The following NBEA variants were observed in gnomAD, a reference collection of about 807,000 sequenced individuals.
The protein encoded by NBEA is lysosomal-trafficking regulator 2.
NBEA carries 44 observed loss-of-function variants against 343.4 expected under a neutral mutation model. The ratio of observed to expected loss-of-function variants is 0.13; its 90% CI spans 0.10 to 0.16. NBEA has a LOEUF of 0.16. NBEA is among the 10% of genes least tolerant of loss of function. The pLI is 1.00. For synonymous variants in NBEA, 1,175 were observed against 1,238.7 expected, an observed-to-expected ratio of 0.95 and a Z score of 1.08; for missense variants, 2,555 against 3,631.3, an observed-to-expected ratio of 0.70 and a Z score of 7.62.
chr13:34,962,145 T>A (rs1041748703), intron 1 of NBEA, among the ~76,000 whole-genome samples: 15 of 152,036 alleles, frequency 9.9e-5, no homozygotes, highest in African/African-American at 3.1e-4. Flanking sequence ...GCGCTGTATT[T>A]TTATTGGCTA....
intron 16 of NBEA, among the ~76,000 whole-genome samples, chr13:35,123,218 C>T (rs564463599): frequency 4.5e-4 from 69 of 152,194 alleles, no homozygotes; most frequent in African/African-American, 1.5e-3. Context: ...GACATGTGGC[C>T]TAACTAAGCA....
intron 34 of NBEA, among the ~76,000 whole-genome samples, chr13:35,253,220 G>A (rs1166379303): frequency 1.3e-5 from 2 of 152,110 alleles, no homozygotes; most frequent in African/African-American, 4.8e-5. Flanking sequence ...TCTTTTTATT[G>A]TGCTTCACTT....
chr13:35,155,095 A>T (rs1243003809), intron 18 of NBEA, among the ~76,000 whole-genome samples: 1 of 142,904 alleles, frequency 7.0e-6, no homozygotes, highest in Non-Finnish European at 1.5e-5. Context: ...GTGCCGCTGC[A>T]GTCCAGCCTG....
Position 35,106,770 on chromosome 13 carries a change from T to C in NBEA, c.1681-2520T>C, listed in dbSNP as rs1305720877. 1.1e-4 allele frequency among the ~76,000 whole-genome samples: 16 copies of C among 147,012 alleles called. No homozygotes were observed. In the Admixed American group the frequency reaches 1.1e-3, roughly 10 times the overall value. On this transcript the variant is annotated intron_variant, in intron 11 of 58. Transcript: ENST00000379939. ...TGCGAAAACAATGGCCCCCTCCGCC[T>C]TTTTTTTTTAAAGTAATGTAGAAGG...
At position 35,040,987 on chromosome 13, in the gene NBEA, A is replaced by G; in HGVS notation, c.349A>G (p.Ser117Gly). 1 of 1,613,248 alleles carries G rather than the reference A, an allele frequency of 6.2e-7. No individual in the cohort carries two copies. The highest frequency in any genetic ancestry group is 8.5e-7 in the Non-Finnish European group (1 of 1,179,418). Residue 117 changes from serine (S) to glycine (G), a missense_variant, in exon 2 of 59, where the codon AGT (serine) becomes GGT (glycine). Physicochemically the swap from Ser to Gly is moderately conservative, Grantham distance 56. Coordinates refer to ENST00000379939, the MANE Select transcript of NBEA (RefSeq NM_001385012.1). Reference protein sequence around the residue: ...EMNFIIQDAESITCMTELLEH... With the variant: ...EMNFIIQDAEGITCMTELLEH... ...GAACTTTATTATCCAGGATGCTGAG[A>G]GTATAACATGTATGACAGAGCTTTT...
chr13:35,312,939 A>G (rs542667649), intron 36 of NBEA, among the ~76,000 whole-genome samples: 9 of 152,200 alleles, frequency 5.9e-5, no homozygotes, highest in Non-Finnish European at 1.2e-4. Context: ...TTCAATAGGC[A>G]TGGGCATTTG....
chr13:35,099,880 G>A (rs1432284185), intron 11 of NBEA, among the ~76,000 whole-genome samples: 1 of 151,918 alleles, frequency 6.6e-6, no homozygotes, highest in Non-Finnish European at 1.5e-5. Context: ...AATTAAAGTG[G>A]GATTTCATGA....
Position 35,094,850 on chromosome 13 carries a change from C to T in NBEA, c.1572-3447C>T, listed in dbSNP as rs112483366. Among the ~76,000 whole-genome samples, 196 of 151,876 alleles carry T rather than the reference C, an allele frequency of 1.3e-3. 1 individual carries two copies. Among genetic ancestry groups the T allele is most frequent in the African/African-American group, 4.3e-3 (180 of 41,452 alleles). On this transcript the variant is annotated intron_variant, in intron 10 of 58. Transcript: ENST00000379939. ...AAAGATTTTTCCCCCTTACTGATACCGTAAATCTGATTTGGAACTTAATCT... is the reference window on the plus strand; with the variant it reads ...AAAGATTTTTCCCCCTTACTGATACTGTAAATCTGATTTGGAACTTAATCT...
chr13:35,371,537 T>G (rs1262774063), intron 38 of NBEA, among the ~76,000 whole-genome samples: 2 of 152,148 alleles, frequency 1.3e-5, no homozygotes, highest in African/African-American at 2.4e-5. Context: ...ATTTGTATTA[T>G]CTGAATTCTC....
intron 10 of NBEA, among the ~76,000 whole-genome samples, chr13:35,085,693 C>T (rs2064716439): frequency 6.6e-6 from 1 of 152,150 alleles, no homozygotes; most frequent in Non-Finnish European, 1.5e-5. Context: ...TACCCTCTCT[C>T]ACCACTCCTG....
intron 34 of NBEA, among the ~76,000 whole-genome samples, chr13:35,252,547 C>T (rs1465153005): frequency 6.6e-6 from 1 of 152,148 alleles, no homozygotes; most frequent in Non-Finnish European, 1.5e-5. Flanking sequence ...GTGTGATCGA[C>T]TGGGGAGCAC....
intron 41 of NBEA, among the ~76,000 whole-genome samples, chr13:35,479,615 A>T (rs1293118676): frequency 2.0e-5 from 3 of 152,174 alleles, no homozygotes; most frequent in African/African-American, 7.2e-5. Context: ...TTTTTCAGTG[A>T]ATTTTAAAAA....
intron 34 of NBEA, chr13:35,251,497 G>T: frequency 1.8e-6 from 2 of 1,097,950 alleles, no homozygotes; most frequent in East Asian, 8.4e-5. Flanking sequence ...TGATGACCTT[G>T]TGGAGTGAGC....
intron 41 of NBEA, among the ~76,000 whole-genome samples, chr13:35,527,545 C>T (rs1055872170): frequency 2.0e-5 from 3 of 152,220 alleles, no homozygotes; most frequent in Admixed American, 6.5e-5. Flanking sequence ...AAAGTCCAGA[C>T]GGGGCCCCAA....
intron 30 of NBEA, among the ~76,000 whole-genome samples, chr13:35,189,295 G>A (rs550567444): frequency 2.6e-5 from 4 of 152,088 alleles, no homozygotes; most frequent in East Asian, 3.9e-4. Context: ...AATAATTAGC[G>A]AAGTTGAGCA....
intron 33 of NBEA, among the ~76,000 whole-genome samples, chr13:35,218,985 T>C (rs1171051451): frequency 6.6e-6 from 1 of 152,140 alleles, no homozygotes; most frequent in African/African-American, 2.4e-5. Flanking sequence ...GGAAAGTTTC[T>C]TAATTAAAAT....
chr13:35,630,411 G>A (rs1429368477), intron 49 of NBEA, among the ~76,000 whole-genome samples: 3 of 152,092 alleles, frequency 2.0e-5, no homozygotes, highest in African/African-American at 4.8e-5. Flanking sequence ...ATTAAAAATT[G>A]TCTTCTGTTG....
intron 17 of NBEA, among the ~76,000 whole-genome samples, chr13:35,125,983 A>T (rs1026581627): frequency 2.6e-5 from 4 of 151,838 alleles, no homozygotes; most frequent in Non-Finnish European, 5.9e-5. Context: ...AGCAAGATCC[A>T]TATCTGGAAA....
intron 40 of NBEA, among the ~76,000 whole-genome samples, chr13:35,458,933 A>G (rs2046739710): frequency 6.6e-6 from 1 of 150,732 alleles, no homozygotes; most frequent in Admixed American, 6.6e-5. Flanking sequence ...AGGAAGAAGT[A>G]TTCAAATGTA....
Sources: allele counts gnomAD v4.1 joint callset (sites outside exome capture counted in the v4.1 genomes callset), GRCh38; gene constraint gnomAD v4.1.1; transcripts MANE v1.5; gene names NCBI Gene and HGNC (gene_info 2026-07-23, HGNC 2026-07-21).